The following EYA1 variants were observed in gnomAD, a reference collection of about 807,000 sequenced individuals.
The protein encoded by EYA1 is protein phosphatase EYA1.
In EYA1, 16 loss-of-function variants were observed where a neutral mutation model predicts 82.0. The observed-to-expected ratio is 0.20, with a 90% CI of 0.13 to 0.30. The LOEUF is 0.30. EYA1 is among the 10% of genes least tolerant of loss of function. The pLI, the probability that EYA1 is intolerant of heterozygous loss-of-function variation, is 1.00. For missense variants in EYA1, 633 were observed against 730.7 expected (o/e 0.87, Z 1.54); for synonymous variants, 261 against 264.4 (o/e 0.99, Z 0.12).
chr8:71,547,002 G>A (rs979112337), intron 1 of EYA1, among the ~76,000 whole-genome samples: 14 of 152,118 alleles, frequency 9.2e-5, no homozygotes, highest in Non-Finnish European at 1.8e-4. Context: ...TACACAGCGG[G>A]CATTATTCCC....
At chr8:71,535,818 ACTT>A in exon 2 of EYA1, 1 of 1,398,226 alleles carries the variant, frequency 7.2e-7, no homozygotes, top group South Asian at 1.4e-5. Context: ...TTAGCTACAC[ACTT>A]CTTCAAAGGG....
chr8:71,347,778 A>G (rs1360050173), intron 3 of EYA1, among the ~76,000 whole-genome samples: 1 of 152,064 alleles, frequency 6.6e-6, no homozygotes, highest in Non-Finnish European at 1.5e-5. Context: ...ATGTTAAGAA[A>G]AAAGTTCCCA....
At chr8:71,208,391 T>A (rs1002870010) in intron 17 of EYA1, among the ~76,000 whole-genome samples, 1 of 152,006 alleles carries the variant, frequency 6.6e-6, no homozygotes, top group African/African-American at 2.4e-5. Flanking sequence ...GAGATCGCGC[T>A]ACTGCACTCC....
intron 7 of EYA1, among the ~76,000 whole-genome samples, chr8:71,304,404 C>T (rs1459686281): frequency 7.0e-6 from 1 of 142,742 alleles, no homozygotes; most frequent in African/African-American, 2.5e-5. Context: ...CTCAGAATGG[C>T]AAGGTTTTTG....
intron 8 of EYA1, 121 bp downstream of exon 8, chr8:71,299,517 A>G: frequency 2.6e-6 from 2 of 756,746 alleles, no homozygotes; most frequent in Non-Finnish European, 4.6e-6. Flanking sequence ...AGTGAATTTT[A>G]AAAGAAAACT....
At chr8:71,499,803 G>A (rs1353043880) in intron 2 of EYA1, among the ~76,000 whole-genome samples, 1 of 152,194 alleles carries the variant, frequency 6.6e-6, no homozygotes, top group Non-Finnish European at 1.5e-5. Flanking sequence ...AGAACCTTGG[G>A]ATTTACACTG....
At chr8:71,543,967 A>T (rs1203093568) in intron 1 of EYA1, among the ~76,000 whole-genome samples, 1 of 151,986 alleles carries the variant, frequency 6.6e-6, no homozygotes, top group East Asian at 1.9e-4. Flanking sequence ...CTGGATGCTG[A>T]CTCTTACTTT....
In EYA1 at chr8:71,199,320, T is replaced by C. The variant is rs1387783272; in HGVS notation, c.*20A>G. On this transcript the variant is annotated 3_prime_UTR_variant, in exon 18 of 18. Transcript: ENST00000340726. ...CCCTGGTCACAGAGCAGCTGTGCGC[T>C]GTCAAAGTGCCGAGCGCTGTTACAG... is the stretch of plus-strand genomic sequence containing the variant. The C allele has an allele frequency of 1.4e-5, 22 of 1,574,394 alleles. No homozygotes were observed. Among genetic ancestry groups the C allele is most frequent in the African/African-American group, 9.5e-5 (7 of 74,034 alleles).
intron 16 of EYA1, among the ~76,000 whole-genome samples, chr8:71,213,922 G>T (rs1457334150): frequency 6.6e-6 from 1 of 152,174 alleles, no homozygotes; most frequent in South Asian, 2.1e-4. Flanking sequence ...TGTGCTGGGT[G>T]TTACAGCTAC....
chr8:71,456,217 TTCAA>T (rs1807894388), intron 2 of EYA1, among the ~76,000 whole-genome samples: 1 of 152,146 alleles, frequency 6.6e-6, no homozygotes. Flanking sequence ...GAAGGACCTC[TTCAA>T]GGAGAACTAC....
chr8:71,533,234 A>G (rs1814434885), intron 2 of EYA1, among the ~76,000 whole-genome samples: 2 of 152,232 alleles, frequency 1.3e-5, no homozygotes, highest in Non-Finnish European at 2.9e-5. Context: ...ATTTGTCACA[A>G]TGGGGCAGTT....
At chr8:71,505,038 G>A (rs1812087432) in intron 2 of EYA1, among the ~76,000 whole-genome samples, 1 of 152,166 alleles carries the variant, frequency 6.6e-6, no homozygotes, top group Non-Finnish European at 1.5e-5. Context: ...GGTCTCAAAT[G>A]ATCTGCCCGC....
chr8:71,305,973 AAAG>A (rs1464965365), intron 7 of EYA1, among the ~76,000 whole-genome samples: 1 of 152,200 alleles, frequency 6.6e-6, no homozygotes, highest in Non-Finnish European at 1.5e-5. Context: ...TTGTGATGCA[AAAG>A]AAGTGGGCAT....
At chr8:71,497,217 AAAATAATTACAC>A (rs1317704240) in intron 2 of EYA1, among the ~76,000 whole-genome samples, 1 of 152,240 alleles carries the variant, frequency 6.6e-6, no homozygotes, top group Admixed American at 6.5e-5. Flanking sequence ...GATGAGCTAA[AAAATAATTACAC>A]AAAAAATCTC....
At chr8:71,337,335 G>A (rs1030782402) in intron 3 of EYA1, among the ~76,000 whole-genome samples, 3 of 152,058 alleles carry the variant, frequency 2.0e-5, no homozygotes, top group Non-Finnish European at 2.9e-5. Flanking sequence ...GCCCCCACAC[G>A]AGTCTCTTTT....
At chr8:71,438,206 T>G (rs1190630935) in intron 2 of EYA1, among the ~76,000 whole-genome samples, 3 of 152,128 alleles carry the variant, frequency 2.0e-5, no homozygotes, top group Non-Finnish European at 4.4e-5. Flanking sequence ...ATTTATATTT[T>G]CTTTCCCAAG....
At chr8:71,356,382 T>C in intron 2 of EYA1, 80 bp downstream of exon 2, 2 of 1,231,792 alleles carry the variant, frequency 1.6e-6, no homozygotes, top group South Asian at 2.7e-5. Context: ...ATAGAAATAA[T>C]TAAGAAACAC....
chr8:71,484,220 G>C (rs1344803984), intron 2 of EYA1, among the ~76,000 whole-genome samples: 1 of 152,180 alleles, frequency 6.6e-6, no homozygotes, highest in Non-Finnish European at 1.5e-5. Flanking sequence ...TGAAAGTGTG[G>C]AAAGACCTTA....
At chr8:71,342,974 A>C (rs1276753196) in intron 3 of EYA1, among the ~76,000 whole-genome samples, 1 of 152,244 alleles carries the variant, frequency 6.6e-6, no homozygotes, top group Non-Finnish European at 1.5e-5. Flanking sequence ...CAGAATTGCA[A>C]TTCAGAACAT....
Sources: allele counts gnomAD v4.1 joint callset (sites outside exome capture counted in the v4.1 genomes callset), GRCh38; gene constraint gnomAD v4.1.1; transcripts MANE v1.5; gene names NCBI Gene and HGNC (gene_info 2026-07-23, HGNC 2026-07-21).